The following ARL5C variants were observed in gnomAD, a reference collection of about 807,000 sequenced individuals.
The protein encoded by ARL5C is ARF like GTPase 5C.
A neutral mutation model predicts 20.8 loss-of-function variants in ARL5C; 21 were observed. That is an observed-to-expected ratio of 1.01 (90% CI 0.72 to 1.46). The LOEUF is 1.46. ARL5C is among the 40% of genes most tolerant of loss of function. The pLI, the probability that ARL5C is intolerant of heterozygous loss-of-function variation, is 0.00. For synonymous variants in ARL5C, 71 were observed against 81.6 expected, an observed-to-expected ratio of 0.87 and a Z score of 0.70; for missense variants, 199 against 225.1, an observed-to-expected ratio of 0.88 and a Z score of 0.74.
chr17:39,165,706 G>GC lies in ARL5C; in HGVS notation c.46+8dup, dbSNP rs2045459714. 6.4e-7 allele frequency: 1 copy of GC among 1,551,818 alleles called. No homozygotes were observed. Among genetic ancestry groups the GC allele is most frequent in the African/African-American group, 1.4e-5 (1 of 73,184 alleles). On this transcript the variant is annotated intron_variant, in intron 1 of 5. Coordinates refer to ENST00000269586, the MANE Select transcript of ARL5C (RefSeq NM_001143968.1). ...AAGCGCTCGCTTGGATGCCCTGTGC[G>GC]CCCCTTACCCTGGTTCCCGAAGATG...
intron 2 of ARL5C, among the ~76,000 whole-genome samples, chr17:39,163,702 T>A (rs1274872627): frequency 1.5e-5 from 1 of 65,078 alleles, no homozygotes; most frequent in Non-Finnish European, 2.5e-5. Flanking sequence ...ACAGTTTTGC[T>A]TTTTTTTTTT....
At chr17:39,161,997 A>G (rs1445387474) in intron 3 of ARL5C, among the ~76,000 whole-genome samples, 1 of 152,134 alleles carries the variant, frequency 6.6e-6, no homozygotes, top group Non-Finnish European at 1.5e-5. Context: ...GAGGCTATGT[A>G]TCTTGCTCTT....
In ARL5C at chr17:39,164,984, G is replaced by A; in HGVS notation, c.107+95C>T. ...GCTCCTCCGGACTACAGAGGAGCCCGGGAACCCAGGGAAGAGCTCCAGTGA... is the reference window on the plus strand; with the variant it reads ...GCTCCTCCGGACTACAGAGGAGCCCAGGAACCCAGGGAAGAGCTCCAGTGA... On this transcript the variant is annotated intron_variant, in intron 2 of 5. Transcript: ENST00000269586. 3.8e-6 allele frequency: 5 copies of A among 1,326,662 alleles called. No homozygotes were observed. The South Asian group carries it at 6.4e-5, about 17-fold the overall frequency. The allele number at this position is 1,326,662 out of a possible 1,614,324, so 82.2% of individuals were successfully genotyped here.
rs547816951 is a variant in ARL5C at position 39,160,184 on chromosome 17, G to A, written c.491+407C>T. On this transcript the variant is annotated intron_variant, in intron 5 of 5. Transcript: ENST00000269586. Reference sequence around the variant, plus strand: ...CTAAAAATATAAAAATTAGCCAGGCGTGGTGGCGGGTACCTGTAATCCCAG... The same window carrying A: ...CTAAAAATATAAAAATTAGCCAGGCATGGTGGCGGGTACCTGTAATCCCAG... 2.2e-3 allele frequency: 355 copies of A among 157,950 alleles called. 2 individuals carry two copies. The highest frequency in any genetic ancestry group is 3.6e-3 in the Non-Finnish European group (257 of 71,912). 9.8% of individuals were successfully genotyped at this position (157,950 alleles called of 1,614,324 possible).
At chr17:39,161,096 C>T (rs927494515) in intron 4 of ARL5C, among the ~76,000 whole-genome samples, 172 bp downstream of exon 4, 2 of 152,212 alleles carry the variant, frequency 1.3e-5, no homozygotes, top group African/African-American at 4.8e-5. Context: ...TAGTCAATTG[C>T]ACTGAGGGTA....
At chr17:39,163,378 CTTTCTTTCTTTCTT>C (rs1213869452) in intron 2 of ARL5C, among the ~76,000 whole-genome samples, 1 of 131,680 alleles carries the variant, frequency 7.6e-6, no homozygotes, top group African/African-American at 3.2e-5. Flanking sequence ...TTCTTTCTTT[CTTTCTTTCTTTCTT>C]TCTCTCTTTC....
chr17:39,165,269 G>A (rs1204783876), intron 1 of ARL5C, 130 bp from the exon 2 acceptor site: 2 of 882,804 alleles, frequency 2.3e-6, no homozygotes, highest in Non-Finnish European at 3.5e-6. Context: ...ACCGTACCGC[G>A]TCTGCTTCCC....
intron 5 of ARL5C, among the ~76,000 whole-genome samples, chr17:39,157,820 A>G (rs580508): frequency 0.18 from 25,615 of 140,890 alleles, 2,694 homozygotes; most frequent in African/African-American, 0.31. Flanking sequence ...GTGGCCGGGC[A>G]CAGTGGCTCA....
intron 3 of ARL5C, among the ~76,000 whole-genome samples, chr17:39,161,891 T>C (rs907903958): frequency 6.6e-6 from 1 of 152,178 alleles, no homozygotes; most frequent in Non-Finnish European, 1.5e-5. Context: ...TACATAAGCA[T>C]TGGGTGTTCA....
chr17:39,163,828 A>G lies in ARL5C; in HGVS notation c.108-970T>C, dbSNP rs138648102. ...CGCCCAGGCTGGAGTACAGTGGCGC[A>G]GTCTCAGCTCACTGCAACCTCTGCC... On this transcript the variant is annotated intron_variant, in intron 2 of 5. Coordinates refer to ENST00000269586, the MANE Select transcript of ARL5C (RefSeq NM_001143968.1). 4.2e-3 allele frequency among the ~76,000 whole-genome samples: 638 copies of G among 151,166 alleles called. 13 individuals carry two copies. Among genetic ancestry groups the G allele is most frequent in the African/African-American group, 0.015 (598 of 40,882 alleles).
At chr17:39,164,795 A>T (rs1460119832) in intron 2 of ARL5C, among the ~76,000 whole-genome samples, 1 of 152,192 alleles carries the variant, frequency 6.6e-6, no homozygotes, top group East Asian at 1.9e-4. Context: ...AGCGAAGAGC[A>T]GGGAGGCAGT....
chr17:39,157,852 G>A (rs574678611), intron 5 of ARL5C, among the ~76,000 whole-genome samples: 1 of 151,928 alleles, frequency 6.6e-6, no homozygotes, highest in African/African-American at 2.4e-5. Context: ...CCAGCACTTT[G>A]GGAGGCCGAG....
chr17:39,158,813 C>T (rs1186671945), intron 5 of ARL5C, among the ~76,000 whole-genome samples: 2 of 151,940 alleles, frequency 1.3e-5, no homozygotes, highest in African/African-American at 2.4e-5. Context: ...GCAACATTCC[C>T]TCCACACACT....
rs1200339865 is a variant in ARL5C, at chr17:39,165,984, C to T, written c.-224G>A. ...GACTAAGGGCTGCCTGTCCCGGGCCCAAGAGGTGCAAGGAATATGGGGGTT... is the reference window on the plus strand; with the variant it reads ...GACTAAGGGCTGCCTGTCCCGGGCCTAAGAGGTGCAAGGAATATGGGGGTT... On this transcript the variant is annotated 5_prime_UTR_variant, in exon 1 of 6. Coordinates refer to ENST00000269586, the MANE Select transcript of ARL5C (RefSeq NM_001143968.1). The T allele has an allele frequency of 1.7e-6, 1 of 578,684 alleles. No individual in the cohort carries two copies. Among genetic ancestry groups the T allele is most frequent in the East Asian group, 2.9e-5 (1 of 34,250 alleles). The allele number at this position is 578,684 out of a possible 1,614,324, so 35.8% of individuals were successfully genotyped here.
In ARL5C at chr17:39,161,306, TCAG is replaced by T; in HGVS notation, c.298_300del (p.Leu100del). 1 of 1,551,830 alleles carries T rather than the reference TCAG, an allele frequency of 6.4e-7. No homozygotes were observed. Among genetic ancestry groups the T allele is most frequent in the Non-Finnish European group, 8.7e-7 (1 of 1,147,014 alleles). ...ATTTTATATAGCTCCTCCCGAGTGGTCAGCAGCCGATCCCGGTCCGTGCTGTCA... is the reference window on the plus strand; with the variant it reads ...ATTTTATATAGCTCCTCCCGAGTGGTCAGCCGATCCCGGTCCGTGCTGTCA... On this transcript the variant is annotated inframe_deletion, in exon 4 of 6. Coordinates refer to ENST00000269586, the MANE Select transcript of ARL5C (RefSeq NM_001143968.1).
intron 5 of ARL5C, among the ~76,000 whole-genome samples, chr17:39,158,777 C>T (rs1273129585): frequency 6.6e-6 from 1 of 152,004 alleles, no homozygotes; most frequent in Non-Finnish European, 1.5e-5. Context: ...GCTTAGTGTC[C>T]CTTGTCAGAT....
chr17:39,164,006 G>C (rs1391435546), intron 2 of ARL5C: 1 of 151,890 alleles, frequency 6.6e-6, no homozygotes, highest in Non-Finnish European at 1.5e-5. Flanking sequence ...TCCTCAGGTA[G>C]ATCCACCCAC....
intron 5 of ARL5C, among the ~76,000 whole-genome samples, chr17:39,159,302 T>C (rs868679241): frequency 0.018 from 2,660 of 148,236 alleles, 83 homozygotes; most frequent in African/African-American, 0.063. Flanking sequence ...TCTTTCTTTT[T>C]TTTTTTTTTT....
intron 2 of ARL5C, among the ~76,000 whole-genome samples, chr17:39,163,394 C>CTT (rs778704422): frequency 6.6e-4 from 97 of 147,452 alleles, no homozygotes; most frequent in Middle Eastern, 3.5e-3. Flanking sequence ...TTCTTTCTTT[C>CTT]TCTCTTTCTT....
Sources: allele counts gnomAD v4.1 joint callset (sites outside exome capture counted in the v4.1 genomes callset), GRCh38; gene constraint gnomAD v4.1.1; transcripts MANE v1.5; gene names NCBI Gene and HGNC (gene_info 2026-07-23, HGNC 2026-07-21).